Variants in ARL15 observed in about 807,000 individuals in gnomAD.
ARL15 encodes ARF like GTPase 15, also known as ADP-ribosylation factor-like protein 15.
Under a neutral mutation model 25.2 loss-of-function variants are expected in ARL15, and 19 were observed. That is an observed-to-expected ratio of 0.75 (90% CI 0.53 to 1.10). The LOEUF (loss-of-function observed/expected upper bound fraction) is 1.10, where lower values mean the gene tolerates loss of function less well. Ranked by LOEUF, ARL15 falls within the 50% of genes least tolerant of loss-of-function variation. ARL15 has a pLI of 0.00. For missense variants in ARL15, 220 were observed against 246.0 expected (o/e 0.89, Z 0.71); for synonymous variants, 94 against 86.8 (o/e 1.08, Z -0.46).
intron 1 of ARL15, among the ~76,000 whole-genome samples, chr5:54,283,807 T>TG (rs1370954962): frequency 1.3e-5 from 2 of 152,228 alleles, no homozygotes; most frequent in African/African-American, 2.4e-5. Context: ...CAGCCTTTCT[T>TG]GGGGTTAAGT....
At chr5:54,244,189 C>A (rs1391117397) in intron 1 of ARL15, among the ~76,000 whole-genome samples, 1 of 152,162 alleles carries the variant, frequency 6.6e-6, no homozygotes, top group Non-Finnish European at 1.5e-5. Flanking sequence ...TCACCCATAA[C>A]TAATAATGTA....
intron 4 of ARL15, among the ~76,000 whole-genome samples, chr5:53,889,809 TG>T (rs1196083433): frequency 1.5e-5 from 2 of 133,366 alleles, no homozygotes; most frequent in African/African-American, 5.3e-5. Flanking sequence ...TAGTTCTGAC[TG>T]TTTTTTTTTT....
At chr5:54,126,010 G>A (rs553294913) in intron 3 of ARL15, among the ~76,000 whole-genome samples, 95 of 152,130 alleles carry the variant, frequency 6.2e-4, no homozygotes, top group Admixed American at 1.5e-3. Context: ...CATGTGTTGC[G>A]CTGTGCTGTA....
At chr5:54,015,091 G>A (rs1425525793) in intron 4 of ARL15, among the ~76,000 whole-genome samples, 1 of 151,702 alleles carries the variant, frequency 6.6e-6, no homozygotes, top group Non-Finnish European at 1.5e-5. Context: ...TCAGGAGTTC[G>A]AGACCAGCCT....
chr5:54,234,516 G>GCTC (rs1441493759), intron 1 of ARL15, among the ~76,000 whole-genome samples: 1 of 152,042 alleles, frequency 6.6e-6, no homozygotes, highest in Non-Finnish European at 1.5e-5. Flanking sequence ...ACCCCACCGT[G>GCTC]CTCCCTTCTG....
intron 1 of ARL15, among the ~76,000 whole-genome samples, chr5:54,178,186 G>A (rs150761403): frequency 6.6e-6 from 1 of 152,274 alleles, no homozygotes; most frequent in East Asian, 1.9e-4. Context: ...CCCCTGCATT[G>A]CCAGTGTTTC....
intron 4 of ARL15, among the ~76,000 whole-genome samples, chr5:54,011,610 C>T (rs1168818614): frequency 6.6e-6 from 1 of 152,120 alleles, no homozygotes; most frequent in African/African-American, 2.4e-5. Context: ...CAACCTAAGA[C>T]ACCGAAGTTA....
At chr5:54,152,533 A>T (rs1754096800) in intron 3 of ARL15, among the ~76,000 whole-genome samples, 1 of 152,206 alleles carries the variant, frequency 6.6e-6, no homozygotes, top group African/African-American at 2.4e-5. Flanking sequence ...CTTCCTTCAG[A>T]CACTGTGTCA....
intron 4 of ARL15, among the ~76,000 whole-genome samples, chr5:53,988,953 C>A (rs902536854): frequency 6.6e-6 from 1 of 152,172 alleles, no homozygotes; most frequent in Non-Finnish European, 1.5e-5. Context: ...GAACTGAACA[C>A]CAGGTGACCT....
At chr5:53,921,195 T>G (rs1745851221) in intron 4 of ARL15, among the ~76,000 whole-genome samples, 3 of 152,186 alleles carry the variant, frequency 2.0e-5, no homozygotes, top group Admixed American at 6.5e-5. Context: ...CACCTGCATT[T>G]AACTCATATA....
At chr5:54,184,439 TAAAAAAAAAAAAAAAAAAA>T (rs527755025) in intron 1 of ARL15, among the ~76,000 whole-genome samples, 13 of 69,110 alleles carry the variant, frequency 1.9e-4, no homozygotes, top group Admixed American at 1.6e-3. Context: ...ACACTGTCTT[TAAAAAAAAAAAAAAAAAAA>T]AAAAAAAAAA....
chr5:54,294,715 C>G (rs948408969), intron 1 of ARL15, among the ~76,000 whole-genome samples: 2 of 152,164 alleles, frequency 1.3e-5, no homozygotes, highest in African/African-American at 4.8e-5. Context: ...TTTAATAAAA[C>G]AAAAGTCCTT....
intron 1 of ARL15, among the ~76,000 whole-genome samples, chr5:54,178,034 T>G (rs1754935491): frequency 6.6e-6 from 1 of 152,226 alleles, no homozygotes; most frequent in Non-Finnish European, 1.5e-5. Flanking sequence ...ATATCCATTC[T>G]TGGTCCTATT....
chr5:54,309,899 G>A (rs1308533579), intron 1 of ARL15, among the ~76,000 whole-genome samples: 2 of 152,116 alleles, frequency 1.3e-5, no homozygotes, highest in Non-Finnish European at 2.9e-5. Flanking sequence ...CTGCGAGGTA[G>A]TTTAGACCCG....
chr5:54,039,954 G>A (rs1750286072), intron 4 of ARL15, among the ~76,000 whole-genome samples: 1 of 151,986 alleles, frequency 6.6e-6, no homozygotes, highest in Non-Finnish European at 1.5e-5. Context: ...CAATGTGTAC[G>A]TAAAATTATA....
At chr5:54,038,583 T>A (rs1002719056) in intron 4 of ARL15, among the ~76,000 whole-genome samples, 5 of 152,040 alleles carry the variant, frequency 3.3e-5, no homozygotes, top group Non-Finnish European at 7.4e-5. Flanking sequence ...AACAGTGAAA[T>A]AAACCAAAAT....
chr5:53,962,350 T>G (rs1284987094), intron 4 of ARL15, among the ~76,000 whole-genome samples: 2 of 152,146 alleles, frequency 1.3e-5, no homozygotes, highest in Non-Finnish European at 2.9e-5. Context: ...CCATTAAGTA[T>G]AATATAACAT....
At chr5:54,295,442 G>A (rs1203093758) in intron 1 of ARL15, among the ~76,000 whole-genome samples, 1 of 152,076 alleles carries the variant, frequency 6.6e-6, no homozygotes, top group Non-Finnish European at 1.5e-5. Flanking sequence ...TGCACTCCAG[G>A]CTCAAAAAGT....
At chr5:54,009,045 T>C (rs1298161486) in intron 4 of ARL15, among the ~76,000 whole-genome samples, 1 of 152,218 alleles carries the variant, frequency 6.6e-6, no homozygotes, top group Non-Finnish European at 1.5e-5. Context: ...GGCAGTAGTA[T>C]TCATGTTTCA....
Sources: gnomAD v4.1 joint callset for allele counts (sites outside exome capture counted in the v4.1 genomes callset) on GRCh38, gnomAD v4.1.1 for gene constraint, MANE v1.5 for transcripts, NCBI Gene and HGNC (gene_info 2026-07-23, HGNC 2026-07-21) for gene names.